Variants in CLYBL observed in about 807,000 individuals in gnomAD.
The protein encoded by CLYBL is citramalyl-CoA lyase, mitochondrial.
Under a neutral mutation model 38.9 loss-of-function variants are expected in CLYBL, and 31 were observed. The ratio of observed to expected loss-of-function variants is 0.80; its 90% CI spans 0.60 to 1.08. The LOEUF (loss-of-function observed/expected upper bound fraction) is 1.08, where lower values mean the gene tolerates loss of function less well. Among genes scored for constraint, CLYBL ranks in the 50% least tolerant of loss-of-function variants. The pLI is 0.00. For synonymous variants in CLYBL, 171 were observed against 158.6 expected, an observed-to-expected ratio of 1.08 and a Z score of -0.59; for missense variants, 434 against 411.6, an observed-to-expected ratio of 1.05 and a Z score of -0.47.
intron 1 of CLYBL, among the ~76,000 whole-genome samples, chr13:99,655,071 C>CA (rs1269679724): frequency 1.3e-5 from 2 of 150,470 alleles, no homozygotes; most frequent in Non-Finnish European, 2.9e-5. Flanking sequence ...TATGGTGTTG[C>CA]ATTTCTTTCT....
intron 7 of CLYBL, among the ~76,000 whole-genome samples, chr13:99,873,503 T>A (rs1160175607): frequency 3.9e-5 from 6 of 152,200 alleles, no homozygotes; most frequent in African/African-American, 1.4e-4. Context: ...AGTCACAAAT[T>A]TCCAAAAGAC....
At chr13:99,824,700 G>T (rs1309793691) in intron 2 of CLYBL, among the ~76,000 whole-genome samples, 1 of 152,096 alleles carries the variant, frequency 6.6e-6, no homozygotes, top group African/African-American at 2.4e-5. Flanking sequence ...TTTGCACACA[G>T]AATTGGCTTG....
At chr13:99,794,738 T>C (rs2049988807) in intron 2 of CLYBL, among the ~76,000 whole-genome samples, 1 of 151,794 alleles carries the variant, frequency 6.6e-6, no homozygotes. Context: ...ATTACAGGCA[T>C]GTGCCACCAC....
intron 2 of CLYBL, among the ~76,000 whole-genome samples, chr13:99,838,242 C>T (rs1031868538): frequency 6.6e-6 from 1 of 152,112 alleles, no homozygotes; most frequent in Non-Finnish European, 1.5e-5. Flanking sequence ...TTGCATTTTC[C>T]TACCATAAGA....
At chr13:99,655,112 G>A (rs1244833593) in intron 1 of CLYBL, among the ~76,000 whole-genome samples, 1 of 148,916 alleles carries the variant, frequency 6.7e-6, no homozygotes. Flanking sequence ...GTCTTGCTGT[G>A]TCATCCAGGG....
chr13:99,786,090 T>C (rs957146777), intron 2 of CLYBL, among the ~76,000 whole-genome samples: 2 of 152,072 alleles, frequency 1.3e-5, no homozygotes, highest in Non-Finnish European at 2.9e-5. Context: ...AAAAACTATT[T>C]AGAGCTGAAC....
At chr13:99,790,833 G>T (rs988570696) in intron 2 of CLYBL, among the ~76,000 whole-genome samples, 1 of 152,118 alleles carries the variant, frequency 6.6e-6, no homozygotes, top group Non-Finnish European at 1.5e-5. Flanking sequence ...CTTTTCCCTT[G>T]TGATCAGTGT....
intron 2 of CLYBL, among the ~76,000 whole-genome samples, chr13:99,809,095 C>T (rs1014500572): frequency 3.3e-5 from 5 of 152,200 alleles, no homozygotes; most frequent in African/African-American, 1.2e-4. Context: ...TTTAGACACA[C>T]ACCTCCCAGC....
At chr13:99,657,528 G>A (rs1484375288) in intron 1 of CLYBL, among the ~76,000 whole-genome samples, 2 of 152,074 alleles carry the variant, frequency 1.3e-5, no homozygotes, top group Non-Finnish European at 2.9e-5. Flanking sequence ...GGGCTTTTTA[G>A]GATTAAGGCA....
chr13:99,843,321 C>T (rs1472592318), intron 2 of CLYBL, among the ~76,000 whole-genome samples: 2 of 152,196 alleles, frequency 1.3e-5, no homozygotes, highest in Non-Finnish European at 2.9e-5. Flanking sequence ...GGGCAACTGT[C>T]ACATCCCCAA....
chr13:99,762,115 T>A (rs1173268977), intron 1 of CLYBL, among the ~76,000 whole-genome samples: 1 of 152,216 alleles, frequency 6.6e-6, no homozygotes, highest in Admixed American at 6.5e-5. Flanking sequence ...TTCAGCAGAT[T>A]GTCTCATCAT....
intron 2 of CLYBL, among the ~76,000 whole-genome samples, chr13:99,796,690 A>T (rs1444997473): frequency 6.6e-6 from 1 of 152,246 alleles, no homozygotes; most frequent in Non-Finnish European, 1.5e-5. Context: ...TAACAGAGCC[A>T]CACAAAACCT....
chr13:99,713,268 A>T (rs1444635970), intron 1 of CLYBL, among the ~76,000 whole-genome samples: 1 of 150,728 alleles, frequency 6.6e-6, no homozygotes, highest in African/African-American at 2.4e-5. Context: ...TAGGTGTTCC[A>T]TAGGCCTTTC....
intron 2 of CLYBL, among the ~76,000 whole-genome samples, chr13:99,780,646 G>A (rs2049624544): frequency 6.6e-6 from 1 of 151,652 alleles, no homozygotes; most frequent in South Asian, 2.1e-4. Context: ...AAAGTGCTGG[G>A]ATTACAGGCA....
intron 1 of CLYBL, among the ~76,000 whole-genome samples, chr13:99,714,774 C>T (rs900779712): frequency 2.0e-5 from 3 of 151,774 alleles, no homozygotes; most frequent in African/African-American, 7.3e-5. Flanking sequence ...ATGGTGAAAC[C>T]GCGTCTCTAC....
intron 1 of CLYBL, among the ~76,000 whole-genome samples, chr13:99,718,893 AGTGCAGTGG>A (rs2048355893): frequency 6.6e-6 from 1 of 151,784 alleles, no homozygotes; most frequent in South Asian, 2.1e-4. Flanking sequence ...CCCAGGCTGG[AGTGCAGTGG>A]CATGATCTCA....
At chr13:99,764,699 C>T (rs1306998330) in intron 1 of CLYBL, among the ~76,000 whole-genome samples, 1 of 151,952 alleles carries the variant, frequency 6.6e-6, no homozygotes, top group Admixed American at 6.6e-5. Flanking sequence ...TTTTGTGAGA[C>T]AGCATCTTAA....
intron 1 of CLYBL, among the ~76,000 whole-genome samples, chr13:99,644,351 A>G (rs1191820543): frequency 6.6e-6 from 1 of 152,102 alleles, no homozygotes; most frequent in African/African-American, 2.4e-5. Flanking sequence ...GAAAACTGTT[A>G]CCTTAAGACT....
chr13:99,880,373 T>C (rs1213710096), intron 7 of CLYBL, among the ~76,000 whole-genome samples: 1 of 152,206 alleles, frequency 6.6e-6, no homozygotes, highest in Non-Finnish European at 1.5e-5. Context: ...CCCTTGCATA[T>C]ATTACTTTAT....
Sources: gnomAD v4.1 joint callset for allele counts (sites outside exome capture counted in the v4.1 genomes callset) on GRCh38, gnomAD v4.1.1 for gene constraint, MANE v1.5 for transcripts, NCBI Gene and HGNC (gene_info 2026-07-23, HGNC 2026-07-21) for gene names.